The following SPHKAP variants were observed in gnomAD, a reference collection of about 807,000 sequenced individuals.
The protein encoded by SPHKAP is A-kinase anchor protein SPHKAP.
A neutral mutation model predicts 137.5 loss-of-function variants in SPHKAP; 67 were observed. The observed-to-expected ratio is 0.49, with a 90% confidence interval of 0.40 to 0.60. The LOEUF (loss-of-function observed/expected upper bound fraction) is 0.60. Among genes scored for constraint, SPHKAP ranks in the 20% least tolerant of loss-of-function variants. The probability of loss-of-function intolerance (pLI) is 0.00; values close to 1 mark genes in which losing one functional copy is unlikely to be tolerated. For synonymous variants in SPHKAP, 813 were observed against 785.3 expected (o/e 1.04, Z -0.59); for missense variants, 2,097 against 2,069.3 (o/e 1.01, Z -0.26).
intron 2 of SPHKAP, among the ~76,000 whole-genome samples, chr2:228,112,755 T>G (rs1247691086): frequency 6.6e-6 from 1 of 152,138 alleles, no homozygotes. Context: ...ACAGACAGAT[T>G]AATCTGCCGA....
At chr2:228,120,370 T>G (rs994465165) in intron 2 of SPHKAP, among the ~76,000 whole-genome samples, 1 of 152,190 alleles carries the variant, frequency 6.6e-6, no homozygotes, top group Non-Finnish European at 1.5e-5. Context: ...TTACACTGTT[T>G]TATGGAGCAT....
At chr2:228,111,352 A>T (rs1447488217) in intron 2 of SPHKAP, among the ~76,000 whole-genome samples, 1 of 152,172 alleles carries the variant, frequency 6.6e-6, no homozygotes, top group East Asian at 1.9e-4. Flanking sequence ...GAGGGTATTC[A>T]GTGAGATGAT....
At chr2:228,078,654 T>C (rs549621496) in intron 3 of SPHKAP, among the ~76,000 whole-genome samples, 1 of 152,270 alleles carries the variant, frequency 6.6e-6, no homozygotes, top group East Asian at 1.9e-4. Flanking sequence ...ACAAGAGCTA[T>C]GGAGACCAGG....
chr2:228,016,655 T>C lies in SPHKAP; in HGVS notation c.4199A>G (p.Asp1400Gly). The change falls in exon 7 of 12, where the codon GAT becomes GGT. Residue 1400 changes from aspartate (D) to glycine (G), a missense_variant. By Grantham distance (94) the Asp-to-Gly change is moderately conservative. Coordinates refer to ENST00000392056, the MANE Select transcript of SPHKAP (RefSeq NM_001142644.2). The part of the protein sequence containing the change: ...TASLTNHSPL[D>G]SKKETSSCQD... ...GCACGAGGAAGTTTCTTTTTTAGAATCTAAAGGGCTGTGGTTTGTAAGAGA... is the reference window on the plus strand; with the variant it reads ...GCACGAGGAAGTTTCTTTTTTAGAACCTAAAGGGCTGTGGTTTGTAAGAGA... 1.9e-6 allele frequency: 3 copies of C among 1,614,004 alleles called. No individual in the cohort carries two copies. Among genetic ancestry groups the C allele is most frequent in the South Asian group, 2.2e-5 (2 of 91,070 alleles).
At chr2:228,023,895 T>C (rs186638330) in intron 5 of SPHKAP, among the ~76,000 whole-genome samples, 10 of 152,230 alleles carry the variant, frequency 6.6e-5, no homozygotes, top group Non-Finnish European at 1.5e-5. Flanking sequence ...GCATGTGACA[T>C]ATGAGAGCCA....
At chr2:227,991,214 C>T (rs1205489475) in intron 10 of SPHKAP, 30 bp from the exon 11 acceptor site, 11 of 1,614,142 alleles carry the variant, frequency 6.8e-6, no homozygotes, top group Admixed American at 1.7e-5. Flanking sequence ...CAGCCTTATC[C>T]TTCTTTCCAA....
intron 1 of SPHKAP, among the ~76,000 whole-genome samples, chr2:228,136,340 A>G (rs1019341401): frequency 2.0e-5 from 3 of 152,222 alleles, no homozygotes; most frequent in African/African-American, 7.2e-5. Flanking sequence ...TAAACATGGG[A>G]AAGAAGGCAC....
intron 1 of SPHKAP, among the ~76,000 whole-genome samples, chr2:228,142,107 T>G (rs1699623516): frequency 6.6e-6 from 1 of 152,096 alleles, no homozygotes; most frequent in Non-Finnish European, 1.5e-5. Flanking sequence ...GAGACGCTCA[T>G]GTTGATCGTT....
At chr2:228,024,837 G>A (rs958347894) in intron 5 of SPHKAP, among the ~76,000 whole-genome samples, 1 of 152,030 alleles carries the variant, frequency 6.6e-6, no homozygotes, top group Non-Finnish European at 1.5e-5. Flanking sequence ...GAATGAACAT[G>A]AGTGCACGGA....
intron 3 of SPHKAP, among the ~76,000 whole-genome samples, chr2:228,031,380 G>C (rs1695311332): frequency 6.6e-6 from 1 of 152,230 alleles, no homozygotes; most frequent in African/African-American, 2.4e-5. Context: ...AGCTCGATCT[G>C]GGTGGAGCCC....
At chr2:228,002,784 A>G (rs923623099) in intron 7 of SPHKAP, among the ~76,000 whole-genome samples, 2 of 152,190 alleles carry the variant, frequency 1.3e-5, no homozygotes, top group African/African-American at 4.8e-5. Context: ...CTTTCTACAT[A>G]TGGCTAGCCA....
At chr2:228,058,239 T>C (rs766645277) in intron 3 of SPHKAP, among the ~76,000 whole-genome samples, 5 of 152,236 alleles carry the variant, frequency 3.3e-5, no homozygotes, top group Non-Finnish European at 7.3e-5. Flanking sequence ...TCCATTTTTT[T>C]GGCAATGTCT....
intron 9 of SPHKAP, 110 bp from the exon 10 acceptor site, chr2:227,991,436 G>C: frequency 6.3e-7 from 1 of 1,585,194 alleles, no homozygotes; most frequent in East Asian, 2.2e-5. Flanking sequence ...AGTTCATTCT[G>C]GATTTATTGT....
At position 228,020,065 on chromosome 2, in the gene SPHKAP, C is replaced by T. The variant is rs1248634470; in HGVS notation, c.789G>A (p.Lys263=). The change falls in exon 7 of 12, where the codon AAG becomes AAA. Residue 263 remains lysine (K), a synonymous_variant. Transcript: ENST00000392056. ...ATTTGTCTTCCAAAGCATAAAGCCA[C>T]TTTTCCTTGTTGCAATTCCATTCCA... is the stretch of plus-strand genomic sequence containing the variant. ...TQVEWNCNKE[K]WLYALEDKYI... is the part of the protein sequence containing the mutation. 12 of 1,614,186 alleles carry T rather than the reference C, an allele frequency of 7.4e-6. No individual in the cohort carries two copies. Among genetic ancestry groups the T allele is most frequent in the Non-Finnish European group, 1.0e-5 (12 of 1,180,042 alleles).
chr2:228,037,985 A>G (rs908273697), intron 3 of SPHKAP, among the ~76,000 whole-genome samples: 3 of 152,230 alleles, frequency 2.0e-5, no homozygotes, highest in Non-Finnish European at 4.4e-5. Context: ...AGTAGAGAAT[A>G]CAGGACCAGC....
intron 7 of SPHKAP, among the ~76,000 whole-genome samples, chr2:228,009,138 T>G (rs1466552373): frequency 2.0e-5 from 3 of 152,218 alleles, no homozygotes; most frequent in Non-Finnish European, 4.4e-5. Flanking sequence ...TTTTGCTGGA[T>G]AAAGTATACT....
Position 228,017,606 on chromosome 2 carries a change from C to A in SPHKAP, c.3248G>T (p.Cys1083Phe), listed in dbSNP as rs1694658139. ...GGAGTCTTCCTCAGGAATGCTTTCG[C>A]AGCTGGAGGCCTTCAGCCGGCTCCA... ...DRWSRLKASS[C>F]ESIPEEDSEA... The change falls in exon 7 of 12, where the codon TGC (cysteine) becomes TTC (phenylalanine). Residue 1083 changes from cysteine to phenylalanine, a missense_variant. Cys to Phe is a radical substitution (Grantham distance 205, BLOSUM62 -2). Transcript: ENST00000392056. The A allele has an allele frequency of 1.1e-5, 18 of 1,613,938 alleles. No homozygotes were observed. The highest frequency in any genetic ancestry group is 1.6e-4 in the Middle Eastern group (1 of 6,062).
chr2:228,005,468 A>C (rs1005630419), intron 7 of SPHKAP, among the ~76,000 whole-genome samples: 12 of 152,242 alleles, frequency 7.9e-5, no homozygotes, highest in African/African-American at 2.6e-4. Flanking sequence ...GGGTTTCCTG[A>C]ATACAGCACA....
chr2:228,121,928 G>C (rs1287152639), intron 2 of SPHKAP, among the ~76,000 whole-genome samples: 1 of 152,106 alleles, frequency 6.6e-6, no homozygotes, highest in Non-Finnish European at 1.5e-5. Flanking sequence ...ATGCTATGAG[G>C]ACAGGTGGGG....
Sources: allele counts gnomAD v4.1 joint callset (sites outside exome capture counted in the v4.1 genomes callset), GRCh38; gene constraint gnomAD v4.1.1; transcripts MANE v1.5; gene names NCBI Gene and HGNC (gene_info 2026-07-23, HGNC 2026-07-21).